Variants in COL24A1 observed in about 807,000 individuals in gnomAD.
The protein encoded by COL24A1 is collagen type XXIV alpha 1 chain, also known as collagen alpha-1(XXIV) chain.
COL24A1 carries 224 observed loss-of-function variants against 253.9 expected under a neutral mutation model. That is an observed-to-expected ratio of 0.88 (90% CI 0.79 to 0.99). The LOEUF is 0.99. Among genes scored for constraint, COL24A1 ranks in the 50% least tolerant of loss-of-function variants. The pLI is 0.00. For missense variants in COL24A1, 2,131 were observed against 2,068.5 expected, an observed-to-expected ratio of 1.03 and a Z score of -0.59; for synonymous variants, 685 against 673.7, an observed-to-expected ratio of 1.02 and a Z score of -0.26.
chr1:86,122,192 TTCTC>T (rs112376975), intron 3 of COL24A1, among the ~76,000 whole-genome samples: 109,686 of 151,324 alleles, frequency 0.72, 39,705 homozygotes, highest in Middle Eastern at 0.77. Flanking sequence ...TCAGTTCTCA[TTCTC>T]TTTGACTTCT....
chr1:85,805,315 G>A (rs1244755206), intron 47 of COL24A1, among the ~76,000 whole-genome samples: 1 of 152,160 alleles, frequency 6.6e-6, no homozygotes, highest in Non-Finnish European at 1.5e-5. Context: ...TCTAAGGAAA[G>A]AGATAATGTA....
At chr1:86,079,559 T>C (rs1440374896) in intron 7 of COL24A1, among the ~76,000 whole-genome samples, 1 of 152,060 alleles carries the variant, frequency 6.6e-6, no homozygotes, top group African/African-American at 2.4e-5. Context: ...ACCTATCTCA[T>C]GAGAGATGAA....
chr1:85,826,872 G>C lies in COL24A1; in HGVS notation c.3682-3134C>G, dbSNP rs896034129. ...GATATACAATCATGGCATCTGCAAAGAGGGACAATTTGACTTCCTCTTTTC... is the reference window on the plus strand; with the variant it reads ...GATATACAATCATGGCATCTGCAAACAGGGACAATTTGACTTCCTCTTTTC... On this transcript the variant is annotated intron_variant, in intron 43 of 59. Transcript: ENST00000370571. Among the ~76,000 whole-genome samples the C allele has an allele frequency of 1.4e-3, 214 of 152,256 alleles. 1 individual carries two copies. Among genetic ancestry groups the C allele is most frequent in the African/African-American group, 4.5e-3 (187 of 41,552 alleles).
Position 85,784,141 on chromosome 1 carries a change from G to A in COL24A1, c.4193C>T (p.Thr1398Ile). 1 of 1,613,600 alleles carries A rather than the reference G, an allele frequency of 6.2e-7. No individual in the cohort carries two copies. The highest frequency in any genetic ancestry group is 1.1e-5 in the South Asian group (1 of 91,046). ...AGGGCCTGGGAATCCTTGGAAACCT[G>A]TCAAACCTTGAACACCATATTCTCC... ...QPGEYGVQGL[T>I]GFQGFPGPKG... is the part of the protein sequence containing the mutation. The change falls in exon 50 of 60, where the codon ACA (threonine) becomes ATA (isoleucine). Residue 1398 changes from threonine to isoleucine, a missense_variant. Thr to Ile is a moderately conservative substitution (Grantham distance 89, BLOSUM62 -1). Transcript: ENST00000370571.
At chr1:86,134,412 G>T (rs1002656487) in intron 2 of COL24A1, among the ~76,000 whole-genome samples, 1 of 151,002 alleles carries the variant, frequency 6.6e-6, no homozygotes, top group African/African-American at 2.4e-5. Context: ...GTTTGCTCTT[G>T]CTTCTCTAGT....
chr1:85,755,735 T>G (rs910231395), intron 55 of COL24A1, among the ~76,000 whole-genome samples: 3 of 151,936 alleles, frequency 2.0e-5, no homozygotes, highest in African/African-American at 7.2e-5. Context: ...ACATCATGAG[T>G]TATACCATGA....
At chr1:86,082,798 C>T (rs1702750280) in intron 7 of COL24A1, among the ~76,000 whole-genome samples, 1 of 150,678 alleles carries the variant, frequency 6.6e-6, no homozygotes, top group South Asian at 2.1e-4. Context: ...ATGCTTGGGA[C>T]CAGAGTGTTT....
chr1:85,834,729 C>T lies in COL24A1; in HGVS notation c.3681+3856G>A, dbSNP rs1340652482. Among the ~76,000 whole-genome samples, 3 of 152,070 alleles carry T rather than the reference C, an allele frequency of 2.0e-5. No individual in the cohort carries two copies. In the East Asian group the frequency reaches 5.8e-4, roughly 29 times the overall value. ...TGGCTATTTATGTTTCCATTTATAC[C>T]TTTAAATAAAGTGTTTCCATTTATA... On this transcript the variant is annotated intron_variant, in intron 43 of 59. Transcript: ENST00000370571.
chr1:85,873,240 G>A (rs557173022), intron 35 of COL24A1, among the ~76,000 whole-genome samples: 76 of 152,212 alleles, frequency 5.0e-4, no homozygotes, highest in Non-Finnish European at 8.2e-4. Context: ...ACTGTTGGTG[G>A]GACTGTAAAC....
At chr1:86,100,854 C>G (rs1426400722) in intron 5 of COL24A1, among the ~76,000 whole-genome samples, 1 of 152,154 alleles carries the variant, frequency 6.6e-6, no homozygotes, top group Non-Finnish European at 1.5e-5. Context: ...AAGCTCCACA[C>G]TCCCCATCCC....
chr1:86,005,716 A>T (rs1249774499), intron 19 of COL24A1, among the ~76,000 whole-genome samples: 1 of 151,072 alleles, frequency 6.6e-6, no homozygotes, highest in Non-Finnish European at 1.5e-5. Flanking sequence ...GAAGTCCTAG[A>T]TAATGCAATA....
At chr1:86,143,830 C>A (rs538243263) in intron 2 of COL24A1, among the ~76,000 whole-genome samples, 56 of 152,116 alleles carry the variant, frequency 3.7e-4, no homozygotes, top group African/African-American at 1.3e-3. Context: ...TTTGAAAAAT[C>A]TCATAAGCAT....
intron 3 of COL24A1, among the ~76,000 whole-genome samples, chr1:86,122,522 A>C (rs1647527385): frequency 6.6e-6 from 1 of 151,988 alleles, no homozygotes; most frequent in Non-Finnish European, 1.5e-5. Context: ...CAACTCTTCT[A>C]ACAGCTTAAT....
chr1:85,907,369 C>G lies in COL24A1; in HGVS notation c.2725-122G>C. 4 of 745,662 alleles carry G rather than the reference C, an allele frequency of 5.4e-6. No individual in the cohort carries two copies. In the South Asian group the frequency reaches 7.7e-5, roughly 14 times the overall value. 46.2% of individuals were successfully genotyped at this position (745,662 alleles called of 1,614,324 possible). ...GACATTTTTACAATTGATTAGTCTTCCTTAAAAATATGCTTTAATCACACT... is the reference window on the plus strand; with the variant it reads ...GACATTTTTACAATTGATTAGTCTTGCTTAAAAATATGCTTTAATCACACT... On this transcript the variant is annotated intron_variant, in intron 27 of 59. Transcript: ENST00000370571.
intron 5 of COL24A1, among the ~76,000 whole-genome samples, chr1:86,110,299 G>A (rs61802232): frequency 0.15 from 22,059 of 151,510 alleles, 1,733 homozygotes; most frequent in South Asian, 0.24. Context: ...CCATTCCCAT[G>A]CTTTCAAGGT....
rs369384256 is a variant in COL24A1, at chr1:85,886,169, T to G, written c.2976+3391A>C. On this transcript the variant is annotated intron_variant, in intron 32 of 59. Transcript: ENST00000370571. ...GGGTTAAAGCAATTCTGCCTCAGCC[T>G]CTCGAGTAGCTGGGACTACAGGTGT... is the stretch of plus-strand genomic sequence containing the variant. Among the ~76,000 whole-genome samples the G allele has an allele frequency of 6.1e-4, 93 of 151,980 alleles. 1 individual carries two copies. In the East Asian group the frequency reaches 0.017, roughly 28 times the overall value.
chr1:86,134,301 C>T (rs923334251), intron 2 of COL24A1, among the ~76,000 whole-genome samples: 8 of 151,710 alleles, frequency 5.3e-5, no homozygotes, highest in Admixed American at 3.3e-4. Context: ...AAAAAACCAG[C>T]TCCTGGATTC....
chr1:85,741,344 G>C (rs1490250474), intron 57 of COL24A1, among the ~76,000 whole-genome samples: 1 of 152,150 alleles, frequency 6.6e-6, no homozygotes, highest in Non-Finnish European at 1.5e-5. Flanking sequence ...GAAATAGTTT[G>C]AGTTCTAGGA....
At position 86,046,863 on chromosome 1, in the gene COL24A1, G is replaced by A; in HGVS notation, c.1912C>T (p.Pro638Ser). ...QLGPEGERGI[P>S]GIRGKKGFKG... The stretch of plus-strand genomic sequence containing the variant: ...AAACCCTTCTTTCCACGGATCCCAG[G>A]AATGCCCTAGAATATAGAAAAGAAA... The change falls in exon 12 of 60, where the codon CCT becomes TCT. Residue 638 changes from proline to serine, a missense_variant. Physicochemically the swap from Pro to Ser is moderately conservative, Grantham distance 74. Transcript: ENST00000370571. 10 of 1,502,742 alleles carry A rather than the reference G, an allele frequency of 6.7e-6. No individual in the cohort carries two copies. The highest frequency in any genetic ancestry group is 8.3e-6 in the Non-Finnish European group (9 of 1,079,484). 93.1% of individuals were successfully genotyped at this position (1,502,742 alleles called of 1,614,324 possible).
Sources: gnomAD v4.1 joint callset for allele counts (sites outside exome capture counted in the v4.1 genomes callset) on GRCh38, gnomAD v4.1.1 for gene constraint, MANE v1.5 for transcripts, NCBI Gene and HGNC (gene_info 2026-07-23, HGNC 2026-07-21) for gene names.